The following DENND2C variants were observed in gnomAD, a reference collection of about 807,000 sequenced individuals.
The protein encoded by DENND2C is DENN domain-containing protein 2C.
Under a neutral mutation model 112.4 loss-of-function variants are expected in DENND2C, and 72 were observed. That is an observed-to-expected ratio of 0.64 (90% CI 0.53 to 0.78). The LOEUF is 0.78. DENND2C is among the 30% of genes least tolerant of loss of function. The pLI is 0.00. For missense variants in DENND2C, 992 were observed against 1,113.8 expected, an observed-to-expected ratio of 0.89 and a Z score of 1.56; for synonymous variants, 329 against 381.6, an observed-to-expected ratio of 0.86 and a Z score of 1.61.
At chr1:114,667,224 C>T (rs1373457437) in intron 1 of DENND2C, among the ~76,000 whole-genome samples, 1 of 152,184 alleles carries the variant, frequency 6.6e-6, no homozygotes, top group Non-Finnish European at 1.5e-5. Flanking sequence ...GATTTTTCCT[C>T]ATCAGTGGTT....
intron 20 of DENND2C, among the ~76,000 whole-genome samples, chr1:114,585,889 A>G (rs564630961): frequency 6.6e-6 from 1 of 152,332 alleles, no homozygotes; most frequent in African/African-American, 2.4e-5. Flanking sequence ...TATAGGTTAA[A>G]ATCACCTGGC....
At chr1:114,588,930 A>G (rs1039557674) in intron 18 of DENND2C, among the ~76,000 whole-genome samples, 13 of 152,142 alleles carry the variant, frequency 8.5e-5, no homozygotes, top group African/African-American at 3.1e-4. Flanking sequence ...TAATTATTCC[A>G]TAAAAATAGT....
intron 10 of DENND2C, among the ~76,000 whole-genome samples, chr1:114,606,331 A>G (rs1287341626): frequency 4.6e-5 from 7 of 152,190 alleles, no homozygotes; most frequent in African/African-American, 1.7e-4. Flanking sequence ...CTTACTGATT[A>G]TTTACTGCAG....
chr1:114,615,756 ATAGGTT>A (rs1231027104), intron 8 of DENND2C, among the ~76,000 whole-genome samples: 1 of 152,218 alleles, frequency 6.6e-6, no homozygotes, highest in African/African-American at 2.4e-5. Flanking sequence ...AGAATATAAA[ATAGGTT>A]TTTAAGGGTA....
At chr1:114,608,477 A>C (rs1570767959) in intron 10 of DENND2C, among the ~76,000 whole-genome samples, 1 of 152,218 alleles carries the variant, frequency 6.6e-6, no homozygotes, top group African/African-American at 2.4e-5. Flanking sequence ...TAAAAAACTA[A>C]CTAGGAAAAT....
At chr1:114,585,711 T>A in intron 20 of DENND2C, 80 bp from the exon 21 acceptor site, 1 of 1,426,238 alleles carries the variant, frequency 7.0e-7, no homozygotes. Context: ...GATTAACAGG[T>A]CAGTCATTCA....
intron 18 of DENND2C, among the ~76,000 whole-genome samples, chr1:114,593,868 A>G (rs1427141234): frequency 6.6e-6 from 1 of 152,218 alleles, no homozygotes; most frequent in East Asian, 1.9e-4. Context: ...CTGTAAAATG[A>G]AGATTAAATA....
chr1:114,583,956 T>C lies in DENND2C; in HGVS notation c.*1644A>G, dbSNP rs183638621. The C allele has an allele frequency of 1.3e-5, 2 of 152,274 alleles. No individual in the cohort carries two copies. The highest frequency in any genetic ancestry group is 2.9e-5 in the Non-Finnish European group (2 of 68,036). The allele number at this position is 152,274 out of a possible 1,614,324, so 9.4% of individuals were successfully genotyped here. A position where few individuals can be genotyped will look rare whatever the true frequency, so the allele number is the denominator to read the frequency against. On this transcript the variant is annotated 3_prime_UTR_variant, in exon 21 of 21. Coordinates refer to ENST00000393274, the MANE Select transcript of DENND2C (RefSeq NM_001256404.2). ...AAGGTCTGGATGACTAAGTGGTATA[T>C]GTTCAAGGAATGTTCATATTTTGAG...
At position 114,669,971 on chromosome 1, in the gene DENND2C, C is replaced by T. The variant is rs924160552; in HGVS notation, c.-574+12G>A. On this transcript the variant is annotated intron_variant, in intron 1 of 20. Transcript: ENST00000393274. ...GGCTTAAAACCCCGCGCCGAATCAC[C>T]CCGACTCTTACCTGTCTGTACCTCA... 4.3e-4 allele frequency: 66 copies of T among 152,734 alleles called. No individual in the cohort carries two copies. Among genetic ancestry groups the T allele is most frequent in the Admixed American group, 1.2e-3 (19 of 15,308 alleles). 9.5% of individuals were successfully genotyped at this position (152,734 alleles called of 1,614,324 possible).
At chr1:114,641,948 T>C (rs1355311642) in intron 3 of DENND2C, among the ~76,000 whole-genome samples, 1 of 151,980 alleles carries the variant, frequency 6.6e-6, no homozygotes, top group Non-Finnish European at 1.5e-5. Flanking sequence ...TACACACATA[T>C]ATGTATATAT....
intron 3 of DENND2C, among the ~76,000 whole-genome samples, chr1:114,639,749 G>A (rs1656768980): frequency 7.6e-6 from 1 of 132,174 alleles, no homozygotes; most frequent in Non-Finnish European, 1.6e-5. Context: ...TGCTCTTGTT[G>A]CCCAGGCTGG....
At chr1:114,627,941 G>A (rs1361172188) in intron 3 of DENND2C, among the ~76,000 whole-genome samples, 1 of 151,996 alleles carries the variant, frequency 6.6e-6, no homozygotes, top group East Asian at 1.9e-4. Flanking sequence ...TGTGTCTTAA[G>A]TGTGAATGGC....
chr1:114,667,714 A>T (rs1657683173), intron 1 of DENND2C, among the ~76,000 whole-genome samples: 1 of 152,094 alleles, frequency 6.6e-6, no homozygotes, highest in Non-Finnish European at 1.5e-5. Flanking sequence ...TACCTATTAG[A>T]TGTCATTTGT....
At chr1:114,600,532 G>A (rs2101647887) in intron 14 of DENND2C, among the ~76,000 whole-genome samples, 180 bp from the exon 15 acceptor site, 1 of 152,220 alleles carries the variant, frequency 6.6e-6, no homozygotes, top group East Asian at 1.9e-4. Context: ...TGTAAATCAA[G>A]ATCCTGTATT....
intron 10 of DENND2C, 99 bp from the exon 11 acceptor site, chr1:114,605,130 A>G (rs1160406438): frequency 2.6e-6 from 2 of 777,622 alleles, no homozygotes; most frequent in African/African-American, 3.5e-5. Context: ...GGTCTCTGAT[A>G]AGCCTGAGTA....
intron 9 of DENND2C, among the ~76,000 whole-genome samples, chr1:114,610,078 C>A (rs1449447998): frequency 1.3e-5 from 2 of 152,156 alleles, no homozygotes; most frequent in African/African-American, 4.8e-5. Flanking sequence ...ATTAGGGTGT[C>A]AGATTAGGAA....
chr1:114,608,707 G>C lies in DENND2C; in HGVS notation c.1536C>G (p.Val512=), dbSNP rs767066128. 6.2e-7 allele frequency: 1 copy of C among 1,614,064 alleles called. No homozygotes were observed. The highest frequency in any genetic ancestry group is 2.2e-5 in the East Asian group (1 of 44,884). The change falls in exon 10 of 21, where the codon GTC becomes GTG. Residue 512 remains valine, a synonymous_variant. Transcript: ENST00000393274. The part of the protein sequence containing the change: ...KPSGISYIPQ[V]IQQFPGKDDH... ...CTACCTTGCCAGGGAATTGTTGTAT[G>C]ACCTGGGGAATATAGCTTATTCCTG...
At position 114,625,384 on chromosome 1, in the gene DENND2C, G is replaced by T; in HGVS notation, c.601C>A (p.Gln201Lys). The change falls in exon 4 of 21, where the codon CAA becomes AAA. Residue 201 changes from glutamine (Q) to lysine (K), a missense_variant. Gln to Lys is a moderately conservative substitution (Grantham distance 53). Coordinates refer to ENST00000393274, the MANE Select transcript of DENND2C (RefSeq NM_001256404.2). The stretch of plus-strand genomic sequence containing the variant: ...GGATTTATGGAAGGTCCACATTCTT[G>T]CCCCTCAGGTTCAGAGTAAATATTT... ...LENIYSEPEGQECGPSINPLP... is the reference protein window; with the variant it reads ...LENIYSEPEGKECGPSINPLP... 1.2e-6 allele frequency: 2 copies of T among 1,614,100 alleles called. No individual in the cohort carries two copies. The highest frequency in any genetic ancestry group is 2.2e-5 in the South Asian group (2 of 91,084).
intron 8 of DENND2C, 86 bp from the exon 9 acceptor site, chr1:114,611,203 G>A: frequency 6.9e-7 from 1 of 1,454,472 alleles, no homozygotes; most frequent in Non-Finnish European, 9.6e-7. Context: ...CACAAACCTG[G>A]GGACTTGGAG....
Sources: allele counts gnomAD v4.1 joint callset (sites outside exome capture counted in the v4.1 genomes callset), GRCh38; gene constraint gnomAD v4.1.1; transcripts MANE v1.5; gene names NCBI Gene and HGNC (gene_info 2026-07-23, HGNC 2026-07-21).